TOP1MT: variants seen among roughly 807,000 people sequenced by gnomAD.
TOP1MT encodes the protein DNA topoisomerase I, mitochondrial.
Under a neutral mutation model 73.9 loss-of-function variants are expected in TOP1MT, and 80 were observed. The ratio of observed to expected loss-of-function variants is 1.08; its 90% CI spans 0.90 to 1.30. The LOEUF is 1.30. Ranked by LOEUF, TOP1MT falls within the 50% of genes most tolerant of loss-of-function variation. TOP1MT has a pLI of 0.00. For synonymous variants in TOP1MT, 338 were observed against 326.4 expected (o/e 1.04, Z -0.38); for missense variants, 815 against 808.0 (o/e 1.01, Z -0.10).
chr8:143,342,086 TATTA>T lies in TOP1MT; in HGVS notation c.29+1130_29+1133del, dbSNP rs1817100876. ...CAGAGTCTCGCTCTGTTATTATTATTATTAGAGTCTCGCTCTGTTATTATTATTA... is the reference window on the plus strand; with the variant it reads ...CAGAGTCTCGCTCTGTTATTATTATTGAGTCTCGCTCTGTTATTATTATTA... On this transcript the variant is annotated intron_variant, in intron 2 of 5. Coordinates refer to the TOP1MT transcript ENST00000518007. 2.3e-5 allele frequency among the ~76,000 whole-genome samples: 3 copies of T among 132,662 alleles called. No individual in the cohort carries two copies. The South Asian group carries it at 6.3e-4, about 28-fold the overall frequency. The allele number at this position is 132,662 out of a possible 152,430, so 87.0% of individuals were successfully genotyped here.
chr8:143,345,755 A>G (rs1445462834), upstream of TOP1MT, among the ~76,000 whole-genome samples: 1 of 152,262 alleles, frequency 6.6e-6, no homozygotes, highest in African/African-American at 2.4e-5. Flanking sequence ...GTCAGTCATC[A>G]GTAAAATGGC....
chr8:143,331,130 AG>A (rs1028766496), intron 2 of TOP1MT, 93 bp downstream of exon 2: 29 of 951,956 alleles, frequency 3.0e-5, no homozygotes, highest in Non-Finnish European at 4.5e-5. Context: ...AGAAGCCTGC[AG>A]GGGGGCTGAG....
upstream of TOP1MT, among the ~76,000 whole-genome samples, chr8:143,345,793 A>G (rs1817210293): frequency 6.6e-6 from 1 of 152,228 alleles, no homozygotes; most frequent in Admixed American, 6.5e-5. Context: ...CACTTTTTCT[A>G]AATTGAAGTC....
upstream of TOP1MT, among the ~76,000 whole-genome samples, chr8:143,336,020 C>T (rs1255968341): frequency 6.6e-6 from 1 of 152,364 alleles, no homozygotes; most frequent in East Asian, 1.9e-4. Context: ...CACCTCCTCC[C>T]AGGGGCTGCG....
intron 8 of TOP1MT, among the ~76,000 whole-genome samples, chr8:143,319,120 C>T (rs1816257393): frequency 6.6e-6 from 1 of 152,030 alleles, no homozygotes; most frequent in Non-Finnish European, 1.5e-5. Flanking sequence ...GCTTCTGTCT[C>T]CTACCTCCGA....
chr8:143,321,530 CACACACACGCACG>C, intron 7 of TOP1MT, 144 bp from the exon 8 acceptor site: 1 of 571,158 alleles, frequency 1.8e-6, no homozygotes, highest in Non-Finnish European at 2.8e-6. Context: ...ACACGCACGC[CACACACACGCACG>C]CCACACACGC....
At chr8:143,323,569 A>T (rs878926954) in intron 7 of TOP1MT, among the ~76,000 whole-genome samples, 605 of 56,264 alleles carry the variant, frequency 0.011, 5 homozygotes, top group East Asian at 0.057. Flanking sequence ...ACACACATGC[A>T]CGCCACACAC....
chr8:143,337,404 C>CAA (rs141842455), upstream of TOP1MT, among the ~76,000 whole-genome samples: 93 of 150,614 alleles, frequency 6.2e-4, no homozygotes, highest in African/African-American at 2.0e-3. Context: ...GACTCCGTCT[C>CAA]AAAAAAAAAG....
At chr8:143,326,986 A>C (rs1295058210) in intron 3 of TOP1MT, among the ~76,000 whole-genome samples, 2 of 152,124 alleles carry the variant, frequency 1.3e-5, no homozygotes, top group African/African-American at 4.8e-5. Flanking sequence ...GAGGGGACAG[A>C]AGGACAGAAG....
rs376427373 is a variant in TOP1MT at position 143,329,251 on chromosome 8, C to A, written c.360+99G>T. On this transcript the variant is annotated intron_variant, in intron 3 of 13. Coordinates refer to ENST00000329245, the MANE Select transcript of TOP1MT (RefSeq NM_052963.3). ...CTGTGAGTGGTCACACAGGGGCCACCGAGAACTTGCGAGGGGCGTTCAGAG... is the reference window on the plus strand; with the variant it reads ...CTGTGAGTGGTCACACAGGGGCCACAGAGAACTTGCGAGGGGCGTTCAGAG... The A allele has an allele frequency of 1.4e-5, 19 of 1,369,708 alleles. No individual in the cohort carries two copies. In the East Asian group the frequency reaches 2.1e-4, roughly 15 times the overall value. The allele number at this position is 1,369,708 out of a possible 1,614,324, so 84.8% of individuals were successfully genotyped here.
chr8:143,316,032 C>T lies in TOP1MT; in HGVS notation c.1425G>A (p.Thr475=), dbSNP rs201125639. 24 of 1,614,144 alleles carry T rather than the reference C, an allele frequency of 1.5e-5. No homozygotes were observed. The highest frequency in any genetic ancestry group is 1.3e-4 in the African/African-American group (10 of 75,058). ...GGAGATTCTGCATCGACTTCTCGAA[C>T]GTACTGGGGGTTGCTCGCTGATGGT... The part of the protein sequence containing the change: ...LCNHQRATPS[T]FEKSMQNLQT... Residue 475 remains threonine (T), a synonymous_variant, in exon 11 of 14, where the codon ACG becomes ACA. Coordinates refer to ENST00000329245, the MANE Select transcript of TOP1MT (RefSeq NM_052963.3).
intron 1 of TOP1MT, among the ~76,000 whole-genome samples, chr8:143,353,507 G>T (rs187307002): frequency 9.5e-4 from 145 of 152,078 alleles, no homozygotes; most frequent in Middle Eastern, 3.4e-3. Flanking sequence ...AAGATGCTTG[G>T]TATCACTAAT....
At position 143,321,250 on chromosome 8, in the gene TOP1MT, A is replaced by G. The variant is rs1816333575; in HGVS notation, c.1097T>C (p.Leu366Pro). The stretch of plus-strand genomic sequence containing the variant: ...GTAGTAGCGGATGCAGTCCTTCCCC[A>G]GGAAGTCAAATTCCACCACGTGTTG... ...GCQHVVEFDF[L>P]GKDCIRYYNR... Residue 366 changes from leucine (L) to proline (P), a missense_variant, in exon 8 of 14, where the codon CTG becomes CCG. This residue lies in a region of TOP1MT where 751 missense variants were observed against 725.4 expected (regional missense o/e 1.04). Transcript: ENST00000329245. 1 of 1,612,208 alleles carries G rather than the reference A, an allele frequency of 6.2e-7. No individual in the cohort carries two copies. Among genetic ancestry groups the G allele is most frequent in the Non-Finnish European group, 8.5e-7 (1 of 1,179,054 alleles).
At chr8:143,317,572 G>C in intron 10 of TOP1MT, 151 bp downstream of exon 10, 1 of 682,350 alleles carries the variant, frequency 1.5e-6, no homozygotes, top group East Asian at 2.7e-5. Context: ...TGGCCACCTA[G>C]GCTGCCAAGC....
At chr8:143,338,427 C>T (rs2087219), upstream of TOP1MT, among the ~76,000 whole-genome samples, 10,269 of 151,990 alleles carry the variant, frequency 0.068, 451 homozygotes, top group Non-Finnish European at 0.092. Flanking sequence ...ATTAGCTAGG[C>T]GTGGTGGCTC....
At chr8:143,319,348 G>A (rs1816266149) in intron 8 of TOP1MT, among the ~76,000 whole-genome samples, 1 of 151,352 alleles carries the variant, frequency 6.6e-6, no homozygotes. Context: ...GGGCTGGAGT[G>A]CAGTGGCACA....
Position 143,321,198 on chromosome 8 carries a change from C to T in TOP1MT, c.1146+3G>A. The stretch of plus-strand genomic sequence containing the variant: ...CGGGGGCAGCTGGCGCGAGGGCACT[C>T]ACCGGCTTCTCCACCGGCACTCTGT... On this transcript the variant is annotated splice_donor_region_variant and intron_variant, in intron 8 of 13. Coordinates refer to ENST00000329245, the MANE Select transcript of TOP1MT (RefSeq NM_052963.3). 1 of 1,588,506 alleles carries T rather than the reference C, an allele frequency of 6.3e-7. No homozygotes were observed.
rs373049183 is a variant in TOP1MT at position 143,315,694 on chromosome 8, C to G, written c.1553+33G>C. Reference sequence around the variant, plus strand: ...GACCCTACGGGTTGGGACAGGGCCCCGGGAGAAGGCGTCTGAGGGCACGGG... The same window carrying G: ...GACCCTACGGGTTGGGACAGGGCCCGGGGAGAAGGCGTCTGAGGGCACGGG... On this transcript the variant is annotated intron_variant, in intron 12 of 13. Transcript: ENST00000329245. 4 of 1,586,886 alleles carry G rather than the reference C, an allele frequency of 2.5e-6. No individual in the cohort carries two copies. In the African/African-American group the frequency reaches 5.4e-5, roughly 21 times the overall value.
upstream of TOP1MT, among the ~76,000 whole-genome samples, chr8:143,346,437 G>A (rs1165801107): frequency 6.6e-6 from 1 of 152,106 alleles, no homozygotes; most frequent in Admixed American, 6.6e-5. Flanking sequence ...CTCACAAAAT[G>A]ATTTTTTAAA....
Sources: allele counts gnomAD v4.1 joint callset (sites outside exome capture counted in the v4.1 genomes callset), GRCh38; gene constraint gnomAD v4.1.1; regional missense constraint gnomAD v4.1.1; transcripts MANE v1.5; gene names NCBI Gene and HGNC (gene_info 2026-07-23, HGNC 2026-07-21).